Variants in RIMBP2 observed in about 807,000 individuals in gnomAD.
RIMBP2 encodes RIMS binding protein 2.
RIMBP2 carries 48 observed loss-of-function variants against 118.6 expected under a neutral mutation model. That is an observed-to-expected ratio of 0.40 (90% CI 0.32 to 0.51). The LOEUF (loss-of-function observed/expected upper bound fraction) is 0.51. Among genes scored for constraint, RIMBP2 ranks in the 20% least tolerant of loss-of-function variants. The probability of loss-of-function intolerance (pLI) is 0.41; values close to 1 mark genes in which losing one functional copy is unlikely to be tolerated. For missense variants in RIMBP2, 1,551 were observed against 1,768.3 expected (o/e 0.88, Z 2.20); for synonymous variants, 762 against 742.9 (o/e 1.03, Z -0.42).
chr12:130,517,465 A>C (rs2051594515), intron 3 of RIMBP2, among the ~76,000 whole-genome samples: 1 of 152,194 alleles, frequency 6.6e-6, no homozygotes, highest in Non-Finnish European at 1.5e-5. Context: ...TCGGATGAAG[A>C]AAGAGCAGCG....
chr12:130,428,964 G>A (rs1405845024), intron 14 of RIMBP2: 2 of 152,320 alleles, frequency 1.3e-5, no homozygotes, highest in African/African-American at 2.4e-5. Flanking sequence ...GGGTGTGGTG[G>A]CGGGCGCCTG....
At chr12:130,407,424 G>A (rs2075281363) in intron 20 of RIMBP2, among the ~76,000 whole-genome samples, 1 of 152,162 alleles carries the variant, frequency 6.6e-6, no homozygotes, top group Non-Finnish European at 1.5e-5. Flanking sequence ...TCCTAAAGAT[G>A]GCCCTCAGGT....
intron 4 of RIMBP2, among the ~76,000 whole-genome samples, chr12:130,499,632 A>G (rs1173164351): frequency 1.3e-5 from 2 of 151,864 alleles, no homozygotes. Context: ...GCAGGCATTC[A>G]CCCTCTGCCC....
intron 2 of RIMBP2, among the ~76,000 whole-genome samples, chr12:130,527,759 AAAC>A (rs2052962561): frequency 1.3e-5 from 2 of 152,094 alleles, no homozygotes; most frequent in African/African-American, 2.4e-5. Flanking sequence ...AAAAAAAAAA[AAAC>A]ATTAAAAAGT....
chr12:130,639,053 ACT>A (rs1441770508), intron 1 of RIMBP2, among the ~76,000 whole-genome samples: 1 of 152,114 alleles, frequency 6.6e-6, no homozygotes, highest in Non-Finnish European at 1.5e-5. Flanking sequence ...AACTCCCTGT[ACT>A]CTTTGATCAG....
intron 2 of RIMBP2, among the ~76,000 whole-genome samples, chr12:130,557,799 A>G (rs1447376021): frequency 6.6e-6 from 1 of 152,216 alleles, no homozygotes; most frequent in African/African-American, 2.4e-5. Flanking sequence ...TGTAGACAAG[A>G]GTGTCACCTT....
chr12:130,514,178 C>G (rs1349372349), intron 3 of RIMBP2, among the ~76,000 whole-genome samples: 1 of 152,250 alleles, frequency 6.6e-6, no homozygotes, highest in Non-Finnish European at 1.5e-5. Flanking sequence ...CCTGCTGCCT[C>G]TCTCAAAGCA....
chr12:130,484,751 T>C (rs1288176239), intron 4 of RIMBP2, among the ~76,000 whole-genome samples: 2 of 152,086 alleles, frequency 1.3e-5, no homozygotes, highest in South Asian at 2.1e-4. Flanking sequence ...GCAGGGAAGG[T>C]TGGGGGAAAA....
chr12:130,707,320 A>G (rs2066171623), intron 1 of RIMBP2, among the ~76,000 whole-genome samples: 1 of 152,144 alleles, frequency 6.6e-6, no homozygotes, highest in Non-Finnish European at 1.5e-5. Context: ...AACTGGGAGG[A>G]GCAGGGAACA....
At chr12:130,690,008 T>C (rs1487710690) in intron 1 of RIMBP2, among the ~76,000 whole-genome samples, 4 of 152,108 alleles carry the variant, frequency 2.6e-5, no homozygotes, top group African/African-American at 9.7e-5. Context: ...CGCCTCGCAA[T>C]TGCAGAGCTG....
At position 130,450,097 on chromosome 12, in the gene RIMBP2, C is replaced by A; in HGVS notation, c.581+103G>T. On this transcript the variant is annotated intron_variant, in intron 9 of 22. Coordinates refer to ENST00000690449, the MANE Select transcript of RIMBP2 (RefSeq NM_001393629.1). This position sits in a 1 kb window ranked among gnomAD's most constrained non-coding sequence, Gnocchi z 4.8. ...GCTGAAATCCCACCTTCTCCTCGTG[C>A]CCTGGGAGAAGGGAACTTCTCAGAC... 1 of 751,544 alleles carries A rather than the reference C, an allele frequency of 1.3e-6. No homozygotes were observed. Among genetic ancestry groups the A allele is most frequent in the Non-Finnish European group, 2.3e-6 (1 of 440,638 alleles). The allele number at this position is 751,544 out of a possible 1,614,324, so 46.6% of individuals were successfully genotyped here. A position where few individuals can be genotyped will look rare whatever the true frequency, so the allele number is the denominator to read the frequency against.
intron 2 of RIMBP2, among the ~76,000 whole-genome samples, chr12:130,573,556 G>A (rs894784057): frequency 6.6e-6 from 1 of 152,084 alleles, no homozygotes; most frequent in Admixed American, 6.5e-5. Flanking sequence ...CTCTGAGCTG[G>A]GTCTAATTAG....
rs969109179 is a variant in RIMBP2 at position 130,450,118 on chromosome 12, C to T, written c.581+82G>A. ...CGTGCCCTGGGAGAAGGGAACTTCTCAGACCCCAGAGTGTTCCCAGACCCA... is the reference window on the plus strand; with the variant it reads ...CGTGCCCTGGGAGAAGGGAACTTCTTAGACCCCAGAGTGTTCCCAGACCCA... On this transcript the variant is annotated intron_variant, in intron 9 of 22. Transcript: ENST00000690449. The surrounding 1 kb of genome is among the most constrained non-coding windows in gnomAD (Gnocchi z 4.8). The T allele has an allele frequency of 4.4e-6, 4 of 902,194 alleles. No homozygotes were observed. Among genetic ancestry groups the T allele is most frequent in the South Asian group, 2.8e-5 (2 of 70,788 alleles). 55.9% of individuals were successfully genotyped at this position (902,194 alleles called of 1,614,324 possible). A position where few individuals can be genotyped will look rare whatever the true frequency, so the allele number is the denominator to read the frequency against.
intron 2 of RIMBP2, among the ~76,000 whole-genome samples, chr12:130,595,849 G>A (rs1012370437): frequency 6.6e-6 from 1 of 152,226 alleles, no homozygotes; most frequent in Admixed American, 6.5e-5. Context: ...TTGAGTTTCT[G>A]AAATCAAGTG....
At position 130,580,939 on chromosome 12, in the gene RIMBP2, GTGTGTGTGTT is replaced by G. The variant is rs1251142502; in HGVS notation, c.-217+47373_-217+47382del. On this transcript the variant is annotated intron_variant, in intron 2 of 22. Coordinates refer to ENST00000690449, the MANE Select transcript of RIMBP2 (RefSeq NM_001393629.1). ...AGACCCAGCAATGGTGTGTGTGTGTGTGTGTGTGTTTGTTTGTGTGTGTGTGTGTATGTAT... is the reference window on the plus strand; with the variant it reads ...AGACCCAGCAATGGTGTGTGTGTGTGTGTTTGTGTGTGTGTGTGTATGTAT... Among the ~76,000 whole-genome samples the G allele has an allele frequency of 2.0e-3, 300 of 151,788 alleles. 2 individuals carry two copies. Among genetic ancestry groups the G allele is most frequent in the Non-Finnish European group, 2.9e-3 (198 of 67,914 alleles).
intron 2 of RIMBP2, among the ~76,000 whole-genome samples, chr12:130,533,956 A>T (rs186590998): frequency 0.076 from 11,487 of 151,104 alleles, 551 homozygotes; most frequent in East Asian, 0.24. Context: ...ACTTGAGGTT[A>T]GGAGTTCGAG....
chr12:130,677,256 A>C (rs1209594142), intron 1 of RIMBP2, among the ~76,000 whole-genome samples: 1 of 152,178 alleles, frequency 6.6e-6, no homozygotes, highest in Non-Finnish European at 1.5e-5. Flanking sequence ...ACAAAGGTAC[A>C]CGGAGAGGCA....
chr12:130,477,436 G>A (rs369100172), intron 5 of RIMBP2, among the ~76,000 whole-genome samples: 10 of 152,150 alleles, frequency 6.6e-5, no homozygotes, highest in Non-Finnish European at 1.0e-4. Flanking sequence ...GGCGTCACCC[G>A]GCCACGGGAA....
rs1368904105 is a variant in RIMBP2 at position 130,617,555 on chromosome 12, T to C, written c.-217+10767A>G. 6.6e-6 allele frequency among the ~76,000 whole-genome samples: 1 copy of C among 152,224 alleles called. No individual in the cohort carries two copies. The highest frequency in any genetic ancestry group is 1.5e-5 in the Non-Finnish European group (1 of 68,042). On this transcript the variant is annotated intron_variant, in intron 2 of 22. Coordinates refer to ENST00000690449, the MANE Select transcript of RIMBP2 (RefSeq NM_001393629.1). The surrounding 1 kb of genome is among the most constrained non-coding windows in gnomAD (Gnocchi z 4.6). ...ACCAGCTTTAGATACTGCTAGAAGC[T>C]GCTTAGTGGGAGGTATTGAGAAGGG...
Sources: gnomAD v4.1 joint callset for allele counts (sites outside exome capture counted in the v4.1 genomes callset) on GRCh38, gnomAD v4.1.1 for gene constraint, Gnocchi (gnomAD v3.1) non-coding constraint, MANE v1.5 for transcripts, NCBI Gene and HGNC (gene_info 2026-07-23, HGNC 2026-07-21) for gene names.